The following MTUS1 variants were observed in gnomAD, a reference collection of about 807,000 sequenced individuals.
MTUS1 encodes microtubule associated scaffold protein 1, also known as microtubule-associated tumor suppressor 1.
In MTUS1, 109 loss-of-function variants were observed where a neutral mutation model predicts 120.8. The ratio of observed to expected loss-of-function variants is 0.90; its 90% CI spans 0.77 to 1.06. The LOEUF (loss-of-function observed/expected upper bound fraction) is 1.06. MTUS1 is among the 50% of genes least tolerant of loss of function. The pLI, the probability that MTUS1 is intolerant of heterozygous loss-of-function variation, is 0.00. For synonymous variants in MTUS1, 737 were observed against 550.5 expected, an observed-to-expected ratio of 1.34 and a Z score of -4.74; for missense variants, 2,210 against 1,486.3, an observed-to-expected ratio of 1.49 and a Z score of -8.01.
chr8:17,666,055 G>T (rs1000759098), intron 8 of MTUS1, among the ~76,000 whole-genome samples: 3 of 147,118 alleles, frequency 2.0e-5, no homozygotes, highest in Non-Finnish European at 3.0e-5. Flanking sequence ...CTGTTTTTCA[G>T]CTCATTCACT....
chr8:17,703,705 A>G (rs957501788), intron 6 of MTUS1, among the ~76,000 whole-genome samples: 4 of 151,394 alleles, frequency 2.6e-5, no homozygotes, highest in African/African-American at 9.7e-5. Context: ...GCTTACTAGG[A>G]TTGGGAAACA....
At chr8:17,781,560 G>T (rs931349953) in intron 1 of MTUS1, among the ~76,000 whole-genome samples, 23 of 152,160 alleles carry the variant, frequency 1.5e-4, no homozygotes, top group African/African-American at 5.3e-4. Context: ...ACATATCCCA[G>T]TAAGCCTAGC....
chr8:17,693,147 A>C (rs1307782001), intron 6 of MTUS1: 2 of 152,212 alleles, frequency 1.3e-5, no homozygotes, highest in East Asian at 3.8e-4. Flanking sequence ...TTCTTAGCAA[A>C]GTCTTTTCCC....
chr8:17,689,003 T>A (rs1816410140), intron 6 of MTUS1, among the ~76,000 whole-genome samples: 1 of 152,022 alleles, frequency 6.6e-6, no homozygotes, highest in Non-Finnish European at 1.5e-5. Context: ...CAAAGTCACG[T>A]GATTGAGACC....
intron 4 of MTUS1, chr8:17,723,470 A>T (rs1281220041): frequency 1.6e-6 from 1 of 636,456 alleles, no homozygotes; most frequent in East Asian, 2.8e-5. Context: ...TCATGCAAAA[A>T]TATACTTTAA....
chr8:17,666,786 C>T (rs1811007299), intron 8 of MTUS1, among the ~76,000 whole-genome samples: 2 of 152,142 alleles, frequency 1.3e-5, no homozygotes, highest in South Asian at 4.1e-4. Flanking sequence ...TGCTGCCTCT[C>T]CTTCTGTAAT....
chr8:17,694,545 G>A (rs1817583993), intron 6 of MTUS1, among the ~76,000 whole-genome samples: 1 of 152,046 alleles, frequency 6.6e-6, no homozygotes, highest in South Asian at 2.1e-4. Flanking sequence ...GTGGGCACCT[G>A]TAATCCCAGC....
At chr8:17,792,633 G>C (rs191966671) in intron 1 of MTUS1, among the ~76,000 whole-genome samples, 1 of 152,242 alleles carries the variant, frequency 6.6e-6, no homozygotes, top group East Asian at 1.9e-4. Context: ...GAAGGACAAG[G>C]TGGACAGATC....
At chr8:17,693,290 G>C (rs368227834) in intron 6 of MTUS1, 1 of 152,166 alleles carries the variant, frequency 6.6e-6, no homozygotes, top group Non-Finnish European at 1.5e-5. Flanking sequence ...GGACTTCTTA[G>C]ATTTTCATCT....
chr8:17,796,891 C>A (rs2052284158), intron 1 of MTUS1, among the ~76,000 whole-genome samples: 1 of 152,162 alleles, frequency 6.6e-6, no homozygotes, highest in South Asian at 2.1e-4. Context: ...CGTAGGCAAT[C>A]ACTTGAGGTC....
At chr8:17,668,383 G>A (rs1811339113) in intron 8 of MTUS1, among the ~76,000 whole-genome samples, 1 of 152,154 alleles carries the variant, frequency 6.6e-6, no homozygotes, top group South Asian at 2.1e-4. Flanking sequence ...AAAGCAAAAA[G>A]AACTCTAAAG....
chr8:17,758,584 T>C (rs139581911), intron 1 of MTUS1, among the ~76,000 whole-genome samples: 175 of 152,348 alleles, frequency 1.1e-3, no homozygotes, highest in African/African-American at 2.6e-3. Flanking sequence ...TCAAGAAATA[T>C]ATTTATTCAT....
chr8:17,771,908 A>C (rs183400219), intron 1 of MTUS1, among the ~76,000 whole-genome samples: 2 of 152,360 alleles, frequency 1.3e-5, no homozygotes, highest in Admixed American at 6.5e-5. Flanking sequence ...TGTCTACTGC[A>C]TAACTCTATG....
rs752251270 is a variant in MTUS1, at chr8:17,653,218, GTTC to G, written c.3349_3351del (p.Glu1117del). ...GCTTTTTCTCTTGCTCTTCTTTTTT[GTTC>G]TTCTGATTTCAATTTTTCATTTAAA... On this transcript the variant is annotated inframe_deletion, in exon 12 of 15. Coordinates refer to ENST00000693296, the MANE Select transcript of MTUS1 (RefSeq NM_001363059.2). 2.6e-6 allele frequency: 4 copies of G among 1,552,664 alleles called. No homozygotes were observed. In the East Asian group the frequency reaches 6.8e-5, roughly 27 times the overall value.
At chr8:17,730,024 A>G (rs1454713948) in intron 3 of MTUS1, among the ~76,000 whole-genome samples, 1 of 151,922 alleles carries the variant, frequency 6.6e-6, no homozygotes, top group East Asian at 1.9e-4. Context: ...AAAATTAACA[A>G]GTGTTGGCAA....
chr8:17,744,982 G>A (rs1415790485), intron 2 of MTUS1, among the ~76,000 whole-genome samples: 1 of 152,116 alleles, frequency 6.6e-6, no homozygotes, highest in East Asian at 1.9e-4. Flanking sequence ...CCCTAAAATG[G>A]ATGAAATCAA....
chr8:17,742,276 TTTTTTG>T (rs1250546762), intron 3 of MTUS1, among the ~76,000 whole-genome samples: 4 of 122,780 alleles, frequency 3.3e-5, no homozygotes, highest in African/African-American at 1.4e-4. Context: ...GCTGTTTTTT[TTTTTTG>T]TTGTTGTTGT....
intron 3 of MTUS1, 73 bp from the exon 4 acceptor site, chr8:17,723,906 A>T: frequency 1.5e-6 from 2 of 1,292,102 alleles, no homozygotes; most frequent in South Asian, 1.5e-5. Context: ...AAGCCTGTAA[A>T]CTCAAACTTC....
intron 8 of MTUS1, among the ~76,000 whole-genome samples, chr8:17,668,370 T>C (rs1389777329): frequency 6.6e-6 from 1 of 152,158 alleles, no homozygotes; most frequent in Non-Finnish European, 1.5e-5. Flanking sequence ...TTAACATTAA[T>C]GAAAAGCAAA....
Sources: allele counts gnomAD v4.1 joint callset (sites outside exome capture counted in the v4.1 genomes callset), GRCh38; gene constraint gnomAD v4.1.1; transcripts MANE v1.5; gene names NCBI Gene and HGNC (gene_info 2026-07-23, HGNC 2026-07-21).